The following OR9Q1 variants were observed in gnomAD, a reference collection of about 807,000 sequenced individuals.
OR9Q1 encodes olfactory receptor family 9 subfamily Q member 1, also known as olfactory receptor 9Q1.
For synonymous variants in OR9Q1, 153 were observed against 148.6 expected (o/e 1.03, Z -0.22); for missense variants, 374 against 378.8 (o/e 0.99, Z 0.11).
chr11:58,078,863 C>A (rs1269753165), intron 2 of OR9Q1, among the ~76,000 whole-genome samples: 3 of 152,180 alleles, frequency 2.0e-5, no homozygotes, highest in Non-Finnish European at 4.4e-5. Context: ...TAACTGGAGT[C>A]TTCCACAAAG....
At chr11:58,055,799 C>CAAAAAAAAAAAA in intron 1 of OR9Q1, 71 bp from the exon 2 acceptor site, 2 of 21,134 alleles carry the variant, frequency 9.5e-5, no homozygotes, top group Non-Finnish European at 1.4e-4. Flanking sequence ...GACTCTATCT[C>CAAAAAAAAAAAA]TAAAAAAAAA....
chr11:58,090,297 TC>T (rs1853672057), intron 2 of OR9Q1, among the ~76,000 whole-genome samples: 1 of 152,192 alleles, frequency 6.6e-6, no homozygotes, highest in Non-Finnish European at 1.5e-5. Flanking sequence ...CATAAATAGC[TC>T]TTATTATTTT....
chr11:58,174,126 C>T (rs1854580933), intron 2 of OR9Q1, among the ~76,000 whole-genome samples: 1 of 152,056 alleles, frequency 6.6e-6, no homozygotes, highest in Admixed American at 6.6e-5. Context: ...GGATAAACTC[C>T]CCTGCTCAGG....
chr11:58,097,731 G>A (rs1317431512), intron 2 of OR9Q1, among the ~76,000 whole-genome samples: 11 of 152,200 alleles, frequency 7.2e-5, no homozygotes, highest in Non-Finnish European at 1.5e-5. Context: ...AGGTGAATGA[G>A]TAAACACATT....
chr11:58,168,519 T>A (rs781724871), intron 2 of OR9Q1, among the ~76,000 whole-genome samples: 2 of 152,188 alleles, frequency 1.3e-5, no homozygotes, highest in African/African-American at 2.4e-5. Context: ...GAAGCATTCC[T>A]TCTCATAATT....
At chr11:58,035,463 C>G (rs938057646) in intron 1 of OR9Q1, among the ~76,000 whole-genome samples, 3 of 152,180 alleles carry the variant, frequency 2.0e-5, no homozygotes, top group Non-Finnish European at 4.4e-5. Context: ...AGTGTCAACT[C>G]TTTTGAAGTA....
At chr11:58,135,961 T>C (rs568693280) in intron 2 of OR9Q1, among the ~76,000 whole-genome samples, 8 of 152,336 alleles carry the variant, frequency 5.3e-5, no homozygotes, top group African/African-American at 1.7e-4. Flanking sequence ...TTTGGGTTCT[T>C]AGCCCAGTGC....
intron 2 of OR9Q1, among the ~76,000 whole-genome samples, chr11:58,169,452 T>G (rs1413764202): frequency 2.0e-5 from 3 of 152,100 alleles, no homozygotes; most frequent in Admixed American, 6.6e-5. Context: ...AACTTTTTCA[T>G]GGTTCTCTTT....
chr11:58,080,163 C>CTGCAG (rs1853575234), intron 2 of OR9Q1, among the ~76,000 whole-genome samples: 1 of 152,130 alleles, frequency 6.6e-6, no homozygotes, highest in African/African-American at 2.4e-5. Context: ...CACTAGTAGT[C>CTGCAG]TGCAGTGTCT....
intron 2 of OR9Q1, among the ~76,000 whole-genome samples, chr11:58,147,108 A>G (rs540426679): frequency 4.1e-4 from 63 of 152,324 alleles, no homozygotes; most frequent in African/African-American, 1.5e-3. Flanking sequence ...TTTGATTTCC[A>G]TGCAATACTG....
At chr11:58,040,201 T>C (rs1426341378) in intron 1 of OR9Q1, among the ~76,000 whole-genome samples, 1 of 152,214 alleles carries the variant, frequency 6.6e-6, no homozygotes, top group Non-Finnish European at 1.5e-5. Context: ...AGTTCCCTTA[T>C]CTGTAAAAGG....
chr11:58,043,219 G>T (rs1442421287), intron 1 of OR9Q1, among the ~76,000 whole-genome samples: 4 of 152,116 alleles, frequency 2.6e-5, no homozygotes, highest in Non-Finnish European at 5.9e-5. Flanking sequence ...TTCAGCACCT[G>T]GTGGTTCCTT....
intron 2 of OR9Q1, among the ~76,000 whole-genome samples, chr11:58,168,224 T>C (rs1411201968): frequency 6.6e-6 from 1 of 152,174 alleles, no homozygotes; most frequent in Non-Finnish European, 1.5e-5. Context: ...TCCTTTGTGT[T>C]CCAGTCTCTG....
At chr11:58,102,839 C>A (rs1853797923) in intron 2 of OR9Q1, among the ~76,000 whole-genome samples, 1 of 152,020 alleles carries the variant, frequency 6.6e-6, no homozygotes, top group African/African-American at 2.4e-5. Flanking sequence ...GCTATTATTT[C>A]ATTAAATAAG....
At chr11:58,166,886 T>C (rs1854510093) in intron 2 of OR9Q1, among the ~76,000 whole-genome samples, 1 of 152,218 alleles carries the variant, frequency 6.6e-6, no homozygotes, top group Admixed American at 6.5e-5. Context: ...TATACATGTA[T>C]GGCTTACAAG....
intron 1 of OR9Q1, 70 bp from the exon 2 acceptor site, chr11:58,055,800 T>TAAAAATAATAA (rs1853321482): frequency 8.9e-6 from 1 of 112,862 alleles, no homozygotes; most frequent in African/African-American, 3.4e-5. Flanking sequence ...ACTCTATCTC[T>TAAAAATAATAA]AAAAAAAAAA....
At chr11:58,029,495 A>T (rs749740634) in intron 1 of OR9Q1, among the ~76,000 whole-genome samples, 85 of 152,216 alleles carry the variant, frequency 5.6e-4, no homozygotes, top group Non-Finnish European at 1.2e-3. Flanking sequence ...TCACTTTTGG[A>T]TGGGAAGAGT....
At chr11:58,088,116 C>G (rs1433483544) in intron 2 of OR9Q1, among the ~76,000 whole-genome samples, 4 of 151,882 alleles carry the variant, frequency 2.6e-5, no homozygotes, top group Non-Finnish European at 5.9e-5. Flanking sequence ...GCTGGGAGTA[C>G]AGGCATGAGC....
chr11:58,028,122 T>C (rs1852993462), intron 1 of OR9Q1, among the ~76,000 whole-genome samples: 3 of 150,028 alleles, frequency 2.0e-5, no homozygotes, highest in African/African-American at 7.4e-5. Flanking sequence ...TGGAGAAACC[T>C]GGTCTGTACC....
Sources: allele counts gnomAD v4.1 joint callset (sites outside exome capture counted in the v4.1 genomes callset), GRCh38; gene constraint gnomAD v4.1.1; transcripts MANE v1.5; gene names NCBI Gene and HGNC (gene_info 2026-07-23, HGNC 2026-07-21).